PRKAR2B: variants seen among roughly 807,000 people sequenced by gnomAD.
The protein encoded by PRKAR2B is protein kinase cAMP-dependent type II regulatory subunit beta, also known as cAMP-dependent protein kinase type II-beta regulatory subunit.
Under a neutral mutation model 49.9 loss-of-function variants are expected in PRKAR2B, and 14 were observed. That is an observed-to-expected ratio of 0.28 (90% CI 0.19 to 0.44). The LOEUF is 0.44. PRKAR2B is among the 20% of genes least tolerant of loss of function. The probability of loss-of-function intolerance (pLI) is 1.00; values close to 1 mark genes in which losing one functional copy is unlikely to be tolerated. For missense variants in PRKAR2B, 393 were observed against 537.9 expected (o/e 0.73, Z 2.67); for synonymous variants, 196 against 197.7 (o/e 0.99, Z 0.07).
intron 4 of PRKAR2B, among the ~76,000 whole-genome samples, chr7:107,133,203 G>A (rs1795632786): frequency 6.6e-6 from 1 of 152,008 alleles, no homozygotes; most frequent in Non-Finnish European, 1.5e-5. Context: ...ATAATTATGG[G>A]GAAATTACAT....
chr7:107,052,332 C>G (rs577042154), intron 1 of PRKAR2B, among the ~76,000 whole-genome samples: 48 of 152,074 alleles, frequency 3.2e-4, no homozygotes, highest in Non-Finnish European at 6.3e-4. Flanking sequence ...GCAGGAGAAT[C>G]GCTTGAACCC....
At position 107,048,940 on chromosome 7, in the gene PRKAR2B, G is replaced by C. The variant is rs567903819; in HGVS notation, c.307+3726G>C. Among the ~76,000 whole-genome samples the C allele has an allele frequency of 2.0e-5, 3 of 152,338 alleles. No individual in the cohort carries two copies. In the East Asian group the frequency reaches 5.8e-4, roughly 29 times the overall value. On this transcript the variant is annotated intron_variant, in intron 1 of 10. Transcript: ENST00000265717. ...CAAAGGCCAGAAAGAAGCCATAATGGAAACCTCTTGGCATCTACTCTGTCT... is the reference window on the plus strand; with the variant it reads ...CAAAGGCCAGAAAGAAGCCATAATGCAAACCTCTTGGCATCTACTCTGTCT...
At chr7:107,135,629 C>T (rs1281862832) in intron 4 of PRKAR2B, among the ~76,000 whole-genome samples, 1 of 152,008 alleles carries the variant, frequency 6.6e-6, no homozygotes, top group Non-Finnish European at 1.5e-5. Flanking sequence ...ATATTAACAT[C>T]CCCCCAAAAT....
intron 6 of PRKAR2B, among the ~76,000 whole-genome samples, chr7:107,150,719 A>G (rs929988491): frequency 6.4e-5 from 8 of 125,190 alleles, no homozygotes; most frequent in Non-Finnish European, 1.2e-4. Flanking sequence ...AAAAAAAAAA[A>G]AAAGAAAACA....
chr7:107,122,708 C>CTTTTATG (rs1795410276), intron 3 of PRKAR2B, among the ~76,000 whole-genome samples: 1 of 152,108 alleles, frequency 6.6e-6, no homozygotes, highest in Admixed American at 6.5e-5. Context: ...ATTTTTGTAG[C>CTTTTATG]TCTGAAAAGT....
chr7:107,063,135 C>G (rs1157058641), intron 1 of PRKAR2B, among the ~76,000 whole-genome samples: 1 of 152,108 alleles, frequency 6.6e-6, no homozygotes, highest in Admixed American at 6.5e-5. Context: ...TCCCAAGTAT[C>G]TGGGACTACA....
At chr7:107,103,574 A>T (rs946624483) in intron 2 of PRKAR2B, among the ~76,000 whole-genome samples, 1 of 152,260 alleles carries the variant, frequency 6.6e-6, no homozygotes, top group Admixed American at 6.5e-5. Context: ...CAAACAGACC[A>T]GCAAACTAAC....
chr7:107,080,908 T>C (rs1794503038), intron 2 of PRKAR2B, among the ~76,000 whole-genome samples: 1 of 152,194 alleles, frequency 6.6e-6, no homozygotes, highest in Non-Finnish European at 1.5e-5. Context: ...ATTTATTAGC[T>C]GTGTGACCTT....
intron 4 of PRKAR2B, among the ~76,000 whole-genome samples, chr7:107,132,323 G>A (rs1437241277): frequency 1.3e-5 from 2 of 152,226 alleles, no homozygotes; most frequent in African/African-American, 4.8e-5. Flanking sequence ...ATGCTATGCT[G>A]TGGCACTGGA....
intron 1 of PRKAR2B, among the ~76,000 whole-genome samples, chr7:107,059,729 A>AG (rs1793990004): frequency 7.4e-6 from 1 of 134,494 alleles, no homozygotes; most frequent in South Asian, 2.5e-4. Context: ...TATGTGTGTT[A>AG]GGCAAATGTA....
intron 2 of PRKAR2B, among the ~76,000 whole-genome samples, chr7:107,078,547 G>A (rs955578971): frequency 2.6e-5 from 4 of 152,200 alleles, no homozygotes; most frequent in African/African-American, 9.6e-5. Context: ...GCCCACACTA[G>A]TATTATAATA....
chr7:107,053,604 G>A (rs1226932803), intron 1 of PRKAR2B, among the ~76,000 whole-genome samples: 3 of 151,074 alleles, frequency 2.0e-5, no homozygotes, highest in African/African-American at 7.3e-5. Flanking sequence ...TAAGTTAATT[G>A]ACTCAACAGA....
At chr7:107,095,951 G>C (rs1794828492) in intron 2 of PRKAR2B, among the ~76,000 whole-genome samples, 2 of 152,266 alleles carry the variant, frequency 1.3e-5, no homozygotes, top group South Asian at 4.1e-4. Flanking sequence ...CAGGGATATT[G>C]GTCTAAAATT....
chr7:107,140,905 A>G lies in PRKAR2B; in HGVS notation c.539A>G (p.His180Arg), dbSNP rs771144413. The change falls in exon 5 of 11, where the codon CAT becomes CGT. Residue 180 changes from histidine to arginine, a missense_variant. His to Arg is a conservative substitution (Grantham distance 29, BLOSUM62 0). Coordinates refer to ENST00000265717, the MANE Select transcript of PRKAR2B (RefSeq NM_002736.3). Reference protein sequence around the residue: ...MFEKLVKDGEHVIDQGDDGDN... With the variant: ...MFEKLVKDGERVIDQGDDGDN... ...GAAAAATTGGTCAAAGATGGGGAGC[A>G]TGTAATTGATCAAGGTGACGATGGT... The G allele has an allele frequency of 1.2e-6, 2 of 1,613,372 alleles. No individual in the cohort carries two copies. The highest frequency in any genetic ancestry group is 1.1e-5 in the South Asian group (1 of 91,030).
intron 6 of PRKAR2B, among the ~76,000 whole-genome samples, chr7:107,150,378 A>C (rs1332003881): frequency 6.6e-6 from 1 of 152,092 alleles, no homozygotes; most frequent in Admixed American, 6.5e-5. Flanking sequence ...TTTTTTTATG[A>C]GTACATATTA....
intron 2 of PRKAR2B, among the ~76,000 whole-genome samples, chr7:107,118,329 C>A (rs540540614): frequency 9.9e-5 from 15 of 152,036 alleles, no homozygotes; most frequent in Non-Finnish European, 2.1e-4. Context: ...TTCATTCATT[C>A]ATTCATTCAT....
chr7:107,088,111 G>T (rs930353227), intron 2 of PRKAR2B, among the ~76,000 whole-genome samples: 1 of 152,058 alleles, frequency 6.6e-6, no homozygotes, highest in African/African-American at 2.4e-5. Flanking sequence ...TTAAAGAAAC[G>T]AAAACTGAGG....
intron 5 of PRKAR2B, 40 bp downstream of exon 5, chr7:107,140,993 C>CT (rs1380981313): frequency 6.9e-7 from 1 of 1,450,574 alleles, no homozygotes; most frequent in Non-Finnish European, 9.6e-7. Context: ...TTGAAAGAAC[C>CT]TTTTGTGTAA....
At chr7:107,105,734 C>T (rs1458792029) in intron 2 of PRKAR2B, among the ~76,000 whole-genome samples, 1 of 152,048 alleles carries the variant, frequency 6.6e-6, no homozygotes, top group Non-Finnish European at 1.5e-5. Context: ...TCCAGTGGCC[C>T]TCTTAGTGAC....
Sources: gnomAD v4.1 joint callset for allele counts (sites outside exome capture counted in the v4.1 genomes callset) on GRCh38, gnomAD v4.1.1 for gene constraint, MANE v1.5 for transcripts, NCBI Gene and HGNC (gene_info 2026-07-23, HGNC 2026-07-21) for gene names.